SEMA3C: variants seen among roughly 807,000 people sequenced by gnomAD.
SEMA3C encodes semaphorin-3C.
Under a neutral mutation model 89.4 loss-of-function variants are expected in SEMA3C, and 47 were observed. The ratio of observed to expected loss-of-function variants is 0.53; its 90% CI spans 0.42 to 0.67. SEMA3C has a LOEUF of 0.67. Ranked by LOEUF, SEMA3C falls within the 30% of genes least tolerant of loss-of-function variation. The pLI is 0.00. For synonymous variants in SEMA3C, 310 were observed against 320.2 expected, an observed-to-expected ratio of 0.97 and a Z score of 0.34; for missense variants, 839 against 929.1, an observed-to-expected ratio of 0.90 and a Z score of 1.26.
chr7:80,889,142 C>T (rs1035080080), intron 2 of SEMA3C, among the ~76,000 whole-genome samples: 1 of 152,172 alleles, frequency 6.6e-6, no homozygotes, highest in Non-Finnish European at 1.5e-5. Context: ...GGACTACAGG[C>T]GTAAGCCACC....
At chr7:80,836,695 C>CAA (rs1283385920) in intron 2 of SEMA3C, among the ~76,000 whole-genome samples, 1 of 151,842 alleles carries the variant, frequency 6.6e-6, no homozygotes, top group East Asian at 1.9e-4. Flanking sequence ...AACAAACAAA[C>CAA]AAACAAACAA....
At chr7:80,858,966 T>C (rs1028376471) in intron 2 of SEMA3C, among the ~76,000 whole-genome samples, 1 of 152,194 alleles carries the variant, frequency 6.6e-6, no homozygotes, top group Non-Finnish European at 1.5e-5. Context: ...CTCTTTATTA[T>C]AACACTCAGA....
intron 2 of SEMA3C, among the ~76,000 whole-genome samples, chr7:80,872,923 G>GAAAAAAAA (rs758696880): frequency 1.3e-5 from 1 of 79,642 alleles, no homozygotes; most frequent in African/African-American, 4.2e-5. Flanking sequence ...GAATGAGAGT[G>GAAAAAAAA]AAAAAAAAAA....
At chr7:80,806,287 A>C (rs1308890161) in intron 6 of SEMA3C, among the ~76,000 whole-genome samples, 1 of 152,150 alleles carries the variant, frequency 6.6e-6, no homozygotes, top group African/African-American at 2.4e-5. Flanking sequence ...AAAGTTCTTA[A>C]CACATATTAA....
At chr7:80,818,642 G>A (rs1789670106) in intron 4 of SEMA3C, among the ~76,000 whole-genome samples, 1 of 149,954 alleles carries the variant, frequency 6.7e-6, no homozygotes, top group Admixed American at 6.7e-5. Flanking sequence ...AATAGCTGAT[G>A]AGCTAAAAAA....
chr7:80,863,855 A>ACATATGTATCACATACATATGTAT (rs1790847763), intron 2 of SEMA3C, among the ~76,000 whole-genome samples: 1 of 146,828 alleles, frequency 6.8e-6, no homozygotes, highest in African/African-American at 2.5e-5. Flanking sequence ...CATATCACAT[A>ACATATGTATCACATACATATGTAT]CATATGTATC....
chr7:80,825,399 G>A (rs1387529230), intron 4 of SEMA3C, among the ~76,000 whole-genome samples: 1 of 152,094 alleles, frequency 6.6e-6, no homozygotes, highest in Non-Finnish European at 1.5e-5. Flanking sequence ...TATTTCCCTT[G>A]TGTATAACTG....
chr7:80,865,794 A>T lies in SEMA3C; in HGVS notation c.104-37049T>A, dbSNP rs1377199735. ...AGACAAAAGGGCGAGACTCCATCTCAGAAAAAAATAAAATAAAAAAGAATG... is the reference window on the plus strand; with the variant it reads ...AGACAAAAGGGCGAGACTCCATCTCTGAAAAAAATAAAATAAAAAAGAATG... On this transcript the variant is annotated intron_variant, in intron 2 of 17. Coordinates refer to ENST00000265361, the MANE Select transcript of SEMA3C (RefSeq NM_006379.5). 4.6e-5 allele frequency among the ~76,000 whole-genome samples: 7 copies of T among 152,312 alleles called. No individual in the cohort carries two copies. In the East Asian group the frequency reaches 1.4e-3, roughly 29 times the overall value.
intron 17 of SEMA3C, among the ~76,000 whole-genome samples, chr7:80,746,656 C>T (rs182876453): frequency 8.7e-5 from 13 of 148,622 alleles, no homozygotes; most frequent in Middle Eastern, 3.5e-3. Context: ...TATATTCATA[C>T]GATGGAATAT....
intron 2 of SEMA3C, among the ~76,000 whole-genome samples, chr7:80,880,838 T>C (rs1017921551): frequency 7.2e-5 from 11 of 152,110 alleles, no homozygotes; most frequent in African/African-American, 2.7e-4. Flanking sequence ...GACAGAAGAA[T>C]CGCTTAAATC....
intron 5 of SEMA3C, among the ~76,000 whole-genome samples, chr7:80,810,986 C>T (rs1276756032): frequency 6.6e-6 from 1 of 152,062 alleles, no homozygotes; most frequent in Non-Finnish European, 1.5e-5. Context: ...CACTTGAAAA[C>T]CAAGTATTAT....
In SEMA3C at chr7:80,805,684, T is replaced by G; in HGVS notation, c.613A>C (p.Arg205=). The G allele has an allele frequency of 1.2e-6, 2 of 1,612,144 alleles. No individual in the cohort carries two copies. The highest frequency in any genetic ancestry group is 8.5e-7 in the Non-Finnish European group (1 of 1,178,798). ...DAAIFRSLTK[R]NAVRTDQHNS... ...TGTTGATCAGTTCTGACCGCATTCCTCTTGGTTAAACTTCGAAAAATAGCA... is the reference window on the plus strand; with the variant it reads ...TGTTGATCAGTTCTGACCGCATTCCGCTTGGTTAAACTTCGAAAAATAGCA... Residue 205 remains arginine, a synonymous_variant, in exon 7 of 18, where the codon AGG becomes CGG. Transcript: ENST00000265361.
intron 4 of SEMA3C, among the ~76,000 whole-genome samples, chr7:80,820,575 A>G (rs775320113): frequency 1.3e-5 from 2 of 152,104 alleles, no homozygotes; most frequent in Admixed American, 1.3e-4. Context: ...TTTTATTATT[A>G]AATAATCAAT....
intron 10 of SEMA3C, among the ~76,000 whole-genome samples, chr7:80,799,785 C>T (rs1291482763): frequency 2.0e-5 from 3 of 150,678 alleles, no homozygotes; most frequent in African/African-American, 4.9e-5. Flanking sequence ...ATCCAGGAGG[C>T]GGAGGTTGCA....
chr7:80,866,339 AT>A (rs1048507519), intron 2 of SEMA3C, among the ~76,000 whole-genome samples: 7 of 152,176 alleles, frequency 4.6e-5, no homozygotes, highest in African/African-American at 1.7e-4. Context: ...AATTAAAAAA[AT>A]ATTTACACAA....
At chr7:80,817,916 A>G (rs1562889141) in intron 5 of SEMA3C, among the ~76,000 whole-genome samples, 2 of 152,142 alleles carry the variant, frequency 1.3e-5, no homozygotes, top group African/African-American at 2.4e-5. Context: ...TTTGGAGCAA[A>G]TATTATTACT....
intron 2 of SEMA3C, among the ~76,000 whole-genome samples, chr7:80,856,736 C>T (rs1017155202): frequency 3.9e-5 from 6 of 152,050 alleles, no homozygotes; most frequent in Admixed American, 3.3e-4. Context: ...TAAAACTCAT[C>T]CACTACAAAC....
intron 2 of SEMA3C, among the ~76,000 whole-genome samples, chr7:80,852,795 C>T (rs1790545345): frequency 6.6e-6 from 1 of 151,532 alleles, no homozygotes; most frequent in Non-Finnish European, 1.5e-5. Context: ...TCTCCTGCCT[C>T]AGCCTCCCGA....
intron 2 of SEMA3C, among the ~76,000 whole-genome samples, chr7:80,838,981 C>G (rs1035777651): frequency 8.0e-5 from 12 of 150,828 alleles, no homozygotes; most frequent in African/African-American, 2.4e-4. Context: ...ATAGAGAATT[C>G]TAAACTCTGA....
Sources: gnomAD v4.1 joint callset for allele counts (sites outside exome capture counted in the v4.1 genomes callset) on GRCh38, gnomAD v4.1.1 for gene constraint, MANE v1.5 for transcripts, NCBI Gene and HGNC (gene_info 2026-07-23, HGNC 2026-07-21) for gene names.